EXOC6: variants seen among roughly 807,000 people sequenced by gnomAD.
EXOC6 encodes SEC15-like 1.
In EXOC6, 60 loss-of-function variants were observed where a neutral mutation model predicts 112.5. The observed-to-expected ratio is 0.53, with a 90% CI of 0.43 to 0.66. The LOEUF (loss-of-function observed/expected upper bound fraction) is 0.66, where lower values mean the gene tolerates loss of function less well. Among genes scored for constraint, EXOC6 ranks in the 30% least tolerant of loss-of-function variants. The pLI is 0.00. For missense variants in EXOC6, 855 were observed against 957.1 expected (o/e 0.89, Z 1.41); for synonymous variants, 295 against 308.0 (o/e 0.96, Z 0.44).
chr10:92,871,638 C>G (rs1013450447), intron 1 of EXOC6, among the ~76,000 whole-genome samples: 18 of 151,884 alleles, frequency 1.2e-4, no homozygotes, highest in Admixed American at 9.8e-4. Context: ...GAAACCCTGT[C>G]TCTACTAAAA....
intron 8 of EXOC6, 75 bp from the exon 9 acceptor site, chr10:92,928,263 TG>T: frequency 1.4e-6 from 1 of 711,060 alleles, no homozygotes. Context: ...AAGTGACTCT[TG>T]GGGTAAAGAA....
At chr10:93,043,981 G>A (rs942699121) in intron 20 of EXOC6, among the ~76,000 whole-genome samples, 13 of 152,224 alleles carry the variant, frequency 8.5e-5, no homozygotes, top group African/African-American at 3.1e-4. Context: ...GAATGTTACA[G>A]TGTTGTCTCT....
intron 2 of EXOC6, among the ~76,000 whole-genome samples, chr10:92,893,982 C>T (rs943761114): frequency 1.3e-5 from 2 of 152,100 alleles, no homozygotes; most frequent in Non-Finnish European, 2.9e-5. Context: ...CACTTTCTGC[C>T]ATACAGCTAA....
chr10:92,976,807 A>G (rs1299107925), intron 18 of EXOC6, among the ~76,000 whole-genome samples: 1 of 152,184 alleles, frequency 6.6e-6, no homozygotes, highest in African/African-American at 2.4e-5. Context: ...GTCATAGCAC[A>G]TCTACATTTT....
chr10:92,873,658 G>A (rs569947027), intron 1 of EXOC6, among the ~76,000 whole-genome samples: 15 of 152,136 alleles, frequency 9.9e-5, no homozygotes, highest in Non-Finnish European at 2.1e-4. Context: ...CATTTTACGA[G>A]CACATATAGC....
At chr10:92,997,717 G>T (rs1299873223) in intron 19 of EXOC6, 102 bp downstream of exon 19, 2 of 1,010,640 alleles carry the variant, frequency 2.0e-6, no homozygotes, top group Non-Finnish European at 2.7e-6. Flanking sequence ...GAGGGAGAAG[G>T]CCTGGTTCAG....
intron 20 of EXOC6, among the ~76,000 whole-genome samples, chr10:93,021,754 C>T (rs1285489378): frequency 6.6e-6 from 1 of 152,180 alleles, no homozygotes; most frequent in Non-Finnish European, 1.5e-5. Context: ...AACATATTCT[C>T]CAATCCAAAG....
intron 18 of EXOC6, among the ~76,000 whole-genome samples, chr10:92,978,893 C>T (rs966623892): frequency 1.2e-4 from 18 of 152,236 alleles, no homozygotes; most frequent in African/African-American, 2.4e-4. Context: ...GGTTGGGCCC[C>T]GTGCCCTGTC....
chr10:92,953,026 A>G (rs971565241), intron 15 of EXOC6, among the ~76,000 whole-genome samples: 2 of 152,238 alleles, frequency 1.3e-5, no homozygotes, highest in Middle Eastern at 6.8e-3. Context: ...ATCCCCAATA[A>G]TGGGACTGCT....
intron 7 of EXOC6, among the ~76,000 whole-genome samples, chr10:92,918,911 CA>C (rs1247262280): frequency 6.6e-6 from 1 of 152,162 alleles, no homozygotes; most frequent in Non-Finnish European, 1.5e-5. Flanking sequence ...GTACTGAATA[CA>C]GACAAATGAA....
intron 18 of EXOC6, among the ~76,000 whole-genome samples, chr10:92,976,293 G>C (rs1842600466): frequency 6.6e-6 from 1 of 152,230 alleles, no homozygotes; most frequent in Non-Finnish European, 1.5e-5. Context: ...GTAGAAAGAG[G>C]TAGACATGAG....
rs142703626 is a variant in EXOC6 at position 92,899,635 on chromosome 10, G to A, written c.449G>A (p.Ser150Asn). The A allele has an allele frequency of 1.9e-6, 3 of 1,608,268 alleles. No homozygotes were observed. Among genetic ancestry groups the A allele is most frequent in the Admixed American group, 1.7e-5 (1 of 59,444 alleles). The part of the protein sequence containing the change: ...EMYSKLKEQM[S>N]AKRYYSALKT... The stretch of plus-strand genomic sequence containing the variant: ...TACAGTAAGCTGAAAGAACAGATGA[G>A]TGCCAAAAGGTGAGTTGGTTTTTTT... Residue 150 changes from serine to asparagine, a missense_variant, in exon 5 of 22, where the codon AGT (serine) becomes AAT (asparagine). By Grantham distance (46) the Ser-to-Asn change is conservative (BLOSUM62 1). This residue lies in a region of EXOC6 where 405 missense variants were observed against 393.6 expected (regional missense o/e 1.03). Transcript: ENST00000260762.
At position 92,896,144 on chromosome 10, in the gene EXOC6, TGTG is replaced by T. The variant is rs1849774460; in HGVS notation, c.412+1125_412+1127del. ...ATGTGTGTGTGTGTGTGTGTATGTA[TGTG>T]TATATATATATATATATATATATAT... is the stretch of plus-strand genomic sequence containing the variant. On this transcript the variant is annotated intron_variant, in intron 4 of 21. Coordinates refer to ENST00000260762, the MANE Select transcript of EXOC6 (RefSeq NM_019053.6). Among the ~76,000 whole-genome samples the T allele has an allele frequency of 1.0e-4, 3 of 29,840 alleles. 1 individual carries two copies. Among genetic ancestry groups the T allele is most frequent in the Non-Finnish European group, 1.6e-4 (3 of 18,922 alleles). 19.6% of individuals were successfully genotyped at this position (29,840 alleles called of 152,430 possible). A position where few individuals can be genotyped will look rare whatever the true frequency, so the allele number is the denominator to read the frequency against.
chr10:92,858,691 A>G (rs1453074483), intron 1 of EXOC6, among the ~76,000 whole-genome samples: 2 of 152,202 alleles, frequency 1.3e-5, no homozygotes, highest in Non-Finnish European at 2.9e-5. Flanking sequence ...CTGTGAGCAT[A>G]GTTATTATGG....
intron 1 of EXOC6, among the ~76,000 whole-genome samples, chr10:92,853,161 CAG>C (rs563097445): frequency 3.8e-4 from 58 of 152,224 alleles, no homozygotes; most frequent in African/African-American, 1.3e-3. Context: ...ATGAAATACT[CAG>C]GGATAAATCT....
intron 8 of EXOC6, among the ~76,000 whole-genome samples, chr10:92,927,711 A>T (rs1418203476): frequency 6.6e-6 from 1 of 152,172 alleles, no homozygotes; most frequent in African/African-American, 2.4e-5. Flanking sequence ...TATAAGTGCT[A>T]TGATAGGGAA....
At chr10:92,888,042 G>A (rs891124205) in intron 1 of EXOC6, among the ~76,000 whole-genome samples, 1 of 152,110 alleles carries the variant, frequency 6.6e-6, no homozygotes, top group Admixed American at 6.6e-5. Flanking sequence ...AGAGAGTTGG[G>A]ACAGCCTGAG....
rs201320087 is a variant in EXOC6, at chr10:93,014,275, A to G, written c.2169+8A>G. 1.1e-4 allele frequency: 179 copies of G among 1,606,954 alleles called. 4 individuals carry two copies. Among genetic ancestry groups the G allele is most frequent in the South Asian group, 8.2e-4 (74 of 90,668 alleles). ...TTCATTGACCTCAGACAAGTAAGAT[A>G]TAATAATGTACTTCCCATTTGTTGC... On this transcript the variant is annotated splice_region_variant and intron_variant, in intron 20 of 21. Coordinates refer to ENST00000260762, the MANE Select transcript of EXOC6 (RefSeq NM_019053.6).
intron 6 of EXOC6, among the ~76,000 whole-genome samples, chr10:92,909,991 T>G (rs532901135): frequency 1.6e-4 from 25 of 152,248 alleles, no homozygotes; most frequent in Non-Finnish European, 3.5e-4. Context: ...GATTCTAAAC[T>G]GTTCTCTATT....
Sources: gnomAD v4.1 joint callset for allele counts (sites outside exome capture counted in the v4.1 genomes callset) on GRCh38, gnomAD v4.1.1 for gene constraint, gnomAD v4.1.1 regional missense constraint, MANE v1.5 for transcripts, NCBI Gene and HGNC (gene_info 2026-07-23, HGNC 2026-07-21) for gene names.